The following MME variants were observed in gnomAD, a reference collection of about 807,000 sequenced individuals.
The protein encoded by MME is neprilysin.
In MME, 98 loss-of-function variants were observed where a neutral mutation model predicts 113.2. The ratio of observed to expected loss-of-function variants is 0.87; its 90% CI spans 0.74 to 1.02. The LOEUF (loss-of-function observed/expected upper bound fraction) is 1.02, where lower values mean the gene tolerates loss of function less well. Among genes scored for constraint, MME ranks in the 50% least tolerant of loss-of-function variants. The pLI is 0.00. For missense variants in MME, 836 were observed against 896.0 expected (o/e 0.93, Z 0.86); for synonymous variants, 292 against 300.6 (o/e 0.97, Z 0.30).
chr3:155,168,254 A>G (rs1181357111), intron 18 of MME, among the ~76,000 whole-genome samples: 1 of 152,206 alleles, frequency 6.6e-6, no homozygotes, highest in Non-Finnish European at 1.5e-5. Flanking sequence ...CTTCTGAGAT[A>G]TCAAGAGCCA....
At chr3:155,060,632 T>C (rs1714101383) in intron 1 of MME, among the ~76,000 whole-genome samples, 1 of 152,072 alleles carries the variant, frequency 6.6e-6, no homozygotes, top group Admixed American at 6.5e-5. Context: ...CACTTTAGGC[T>C]GCAATAACAG....
intron 8 of MME, among the ~76,000 whole-genome samples, chr3:155,123,958 G>A (rs201132807): frequency 5.8e-5 from 4 of 68,938 alleles, no homozygotes; most frequent in East Asian, 8.4e-4. Context: ...GAATCTGAAC[G>A]TTGGCCTGCC....
At chr3:155,095,628 C>T (rs1487169334) in intron 3 of MME, among the ~76,000 whole-genome samples, 1 of 152,084 alleles carries the variant, frequency 6.6e-6, no homozygotes, top group African/African-American at 2.4e-5. Flanking sequence ...AATCCACACG[C>T]CTCAGCCTCC....
chr3:155,069,405 G>A (rs1414308780), intron 1 of MME, among the ~76,000 whole-genome samples: 1 of 152,068 alleles, frequency 6.6e-6, no homozygotes, highest in Non-Finnish European at 1.5e-5. Context: ...TCAGTGAGAG[G>A]GATGAAAGAA....
At chr3:155,066,034 G>A (rs1435865722) in intron 1 of MME, among the ~76,000 whole-genome samples, 1 of 152,158 alleles carries the variant, frequency 6.6e-6, no homozygotes, top group Non-Finnish European at 1.5e-5. Flanking sequence ...GCAGAGCGAA[G>A]GGCTATTAGA....
chr3:155,063,923 T>C (rs1166325448), intron 1 of MME, among the ~76,000 whole-genome samples: 3 of 151,680 alleles, frequency 2.0e-5, no homozygotes, highest in Non-Finnish European at 2.9e-5. Context: ...AGATGGGGGC[T>C]TTACAGAGGT....
upstream of MME, among the ~76,000 whole-genome samples, chr3:155,078,045 TACACAC>T (rs34585642): frequency 5.2e-3 from 734 of 139,840 alleles, 5 homozygotes; most frequent in East Asian, 0.017. Context: ...AAAGTAAAAG[TACACAC>T]ACACACACAC....
At chr3:155,070,857 G>A (rs1182549105) in intron 1 of MME, among the ~76,000 whole-genome samples, 1 of 152,154 alleles carries the variant, frequency 6.6e-6, no homozygotes, top group Non-Finnish European at 1.5e-5. Flanking sequence ...GAGATTTAAA[G>A]GTTAATCATG....
upstream of MME, among the ~76,000 whole-genome samples, chr3:155,079,484 G>A (rs1030806708): frequency 1.3e-5 from 2 of 152,018 alleles, no homozygotes; most frequent in Admixed American, 6.5e-5. Context: ...GGGAGGATGG[G>A]ACATTTTCAT....
intron 16 of MME, among the ~76,000 whole-genome samples, chr3:155,159,797 G>T (rs1044776502): frequency 6.6e-6 from 1 of 151,810 alleles, no homozygotes; most frequent in Non-Finnish European, 1.5e-5. Flanking sequence ...GAATGACCTG[G>T]GTTTCATTTT....
rs569880311 is a variant in MME, at chr3:155,154,830, G to A, written c.1602-5560G>A. ...CTCGAGGGTGGGCAGGCGGAGCACCGGACACTTGAGACAAATGACTCTCCA... is the reference window on the plus strand; with the variant it reads ...CTCGAGGGTGGGCAGGCGGAGCACCAGACACTTGAGACAAATGACTCTCCA... On this transcript the variant is annotated intron_variant, in intron 16 of 22. Transcript: ENST00000360490. 5.9e-5 allele frequency among the ~76,000 whole-genome samples: 9 copies of A among 152,154 alleles called. No homozygotes were observed. In the East Asian group the frequency reaches 7.7e-4, roughly 13 times the overall value.
At chr3:155,069,318 A>C (rs1259585285) in intron 1 of MME, among the ~76,000 whole-genome samples, 1 of 152,236 alleles carries the variant, frequency 6.6e-6, no homozygotes, top group East Asian at 1.9e-4. Flanking sequence ...AAGAGAACTG[A>C]AAGTTCAAGA....
upstream of MME, among the ~76,000 whole-genome samples, chr3:155,076,578 G>T (rs147790812): frequency 2.0e-5 from 3 of 152,310 alleles, no homozygotes; most frequent in Admixed American, 6.5e-5. Context: ...TTGCAAGAAA[G>T]AATTCAGAAT....
intron 9 of MME, 59 bp downstream of exon 9, chr3:155,138,295 CCTCT>C (rs1484569874): frequency 5.2e-6 from 8 of 1,544,704 alleles, no homozygotes; most frequent in Non-Finnish European, 7.2e-6. Flanking sequence ...TTTTCTTTCC[CCTCT>C]CTATCATACT....
At position 155,158,063 on chromosome 3, in the gene MME, T is replaced by A. The variant is rs1722442421; in HGVS notation, c.1602-2327T>A. Reference sequence around the variant, plus strand: ...GACACAAGATGGATAATATATAAACTTCATTCGTGTCCTACTTTTGTGATC... The same window carrying A: ...GACACAAGATGGATAATATATAAACATCATTCGTGTCCTACTTTTGTGATC... On this transcript the variant is annotated intron_variant, in intron 16 of 22. Transcript: ENST00000360490. 2.0e-5 allele frequency among the ~76,000 whole-genome samples: 3 copies of A among 152,102 alleles called. No individual in the cohort carries two copies. The South Asian group carries it at 6.2e-4, about 31-fold the overall frequency.
chr3:155,062,813 G>A (rs1305085579), intron 1 of MME, among the ~76,000 whole-genome samples: 2 of 151,666 alleles, frequency 1.3e-5, no homozygotes, highest in East Asian at 1.9e-4. Flanking sequence ...CGAGGCCCAC[G>A]GATCACAAGG....
At chr3:155,173,374 T>G (rs1234509622) in intron 22 of MME, among the ~76,000 whole-genome samples, 3 of 150,960 alleles carry the variant, frequency 2.0e-5, no homozygotes, top group Non-Finnish European at 4.4e-5. Context: ...AGTTGGAAAA[T>G]GAAATTTGAG....
chr3:155,130,437 G>A (rs894042959), intron 8 of MME, among the ~76,000 whole-genome samples: 1 of 152,152 alleles, frequency 6.6e-6, no homozygotes, highest in African/African-American at 2.4e-5. Flanking sequence ...AAGCTACAGG[G>A]TATACTGCTG....
intron 1 of MME, among the ~76,000 whole-genome samples, chr3:155,028,592 C>A (rs1354475945): frequency 1.3e-5 from 2 of 152,084 alleles, no homozygotes; most frequent in Non-Finnish European, 2.9e-5. Flanking sequence ...ATCATCAGAG[C>A]AAGATAGCAG....
Sources: gnomAD v4.1 joint callset for allele counts (sites outside exome capture counted in the v4.1 genomes callset) on GRCh38, gnomAD v4.1.1 for gene constraint, MANE v1.5 for transcripts, NCBI Gene and HGNC (gene_info 2026-07-23, HGNC 2026-07-21) for gene names.